The following EIF3I variants were observed in gnomAD, a reference collection of about 807,000 sequenced individuals.
EIF3I encodes the protein TGF-beta receptor-interacting protein 1.
A neutral mutation model predicts 43.3 loss-of-function variants in EIF3I; 20 were observed. The ratio of observed to expected loss-of-function variants is 0.46; its 90% CI spans 0.32 to 0.67. The LOEUF is 0.67. EIF3I is among the 30% of genes least tolerant of loss of function. The pLI is 0.03. For missense variants in EIF3I, 279 were observed against 421.4 expected (o/e 0.66, Z 2.96); for synonymous variants, 167 against 151.7 (o/e 1.10, Z -0.74).
rs1290869075 is a variant in EIF3I, at chr1:32,229,061, G to GTA, written c.730-70_730-69dup. On this transcript the variant is annotated intron_variant, in intron 8 of 11. Coordinates refer to ENST00000676679, the Ensembl canonical transcript of EIF3I. ...TTGAGCCGTGTGAGATGTTAAAAAT[G>GTA]TATATGGCAGCAGAAAAACACAAAA... 4 of 1,491,474 alleles carry GTA rather than the reference G, an allele frequency of 2.7e-6. No individual in the cohort carries two copies. In the African/African-American group the frequency reaches 5.6e-5, roughly 21 times the overall value. 92.4% of individuals were successfully genotyped at this position (1,491,474 alleles called of 1,614,324 possible).
At chr1:32,231,470 C>T, downstream of EIF3I, 1 of 268,058 alleles carries the variant, frequency 3.7e-6, no homozygotes, top group South Asian at 5.8e-5. Flanking sequence ...CATCCTGAGC[C>T]ACAAGAGCAA....
chr1:32,224,429 C>CA lies in EIF3I; in HGVS notation c.205dup (p.Thr69AsnfsTer5). The CA allele has an allele frequency of 3.7e-6, 6 of 1,613,892 alleles. No homozygotes were observed. The highest frequency in any genetic ancestry group is 4.2e-6 in the Non-Finnish European group (5 of 1,179,972). ...CTTCAGGGGACACCAAGCATGTCCT[C>CA]ACTGGCTCAGCTGACAACAGCTGTC... is the stretch of plus-strand genomic sequence containing the variant. On this transcript the variant is annotated frameshift_variant, in exon 4 of 12. Coordinates refer to ENST00000676679, the Ensembl canonical transcript of EIF3I. LOFTEE classifies it high-confidence loss of function.
downstream of EIF3I, chr1:32,231,394 G>A: frequency 2.0e-6 from 1 of 491,740 alleles, no homozygotes; most frequent in Non-Finnish European, 3.7e-6. Flanking sequence ...AGGAGGCTGA[G>A]GCAGGAGAAT....
chr1:32,224,059 A>C, exon 3 of EIF3I: 1 of 1,614,136 alleles, frequency 6.2e-7, no homozygotes, highest in Non-Finnish European at 8.5e-7. Flanking sequence ...TACTCTGTGA[A>C]TGGTGAGAGG....
At chr1:32,226,723 C>T (rs1407996303) in intron 6 of EIF3I, among the ~76,000 whole-genome samples, 193 bp downstream of exon 6, 2 of 150,204 alleles carry the variant, frequency 1.3e-5, no homozygotes, top group African/African-American at 2.5e-5. Context: ...CATGCCACCG[C>T]ACCTGGCTAA....
chr1:32,228,869 C>A, intron 8 of EIF3I, 53 bp downstream of exon 8: 1 of 1,449,192 alleles, frequency 6.9e-7, no homozygotes, highest in Non-Finnish European at 9.6e-7. Context: ...CTTCCAAGTT[C>A]TAGATGCTTG....
intron 9 of EIF3I, among the ~76,000 whole-genome samples, chr1:32,229,547 CTTTTTTTTTTTTT>C (rs1199129615): frequency 9.6e-6 from 1 of 104,490 alleles, no homozygotes; most frequent in African/African-American, 3.7e-5. Flanking sequence ...CGTGCCCAGC[CTTTTTTTTTTTTT>C]TTTTTTTTGA....
intron 2 of EIF3I, among the ~76,000 whole-genome samples, chr1:32,223,527 C>T (rs1256062600): frequency 3.9e-5 from 6 of 152,104 alleles, no homozygotes; most frequent in African/African-American, 1.2e-4. Flanking sequence ...TCAGGTGATC[C>T]GCCTGCCTCG....
chr1:32,232,876 G>C (rs1639258765), downstream of EIF3I, among the ~76,000 whole-genome samples: 1 of 152,168 alleles, frequency 6.6e-6, no homozygotes. Context: ...ACCCTGGAAA[G>C]GTGAACCCTC....
intron 4 of EIF3I, 140 bp from the exon 5 acceptor site, chr1:32,226,027 GAAAA>G: frequency 1.1e-6 from 1 of 922,788 alleles, no homozygotes; most frequent in Admixed American, 3.5e-5. Context: ...TCTCAAAAAA[GAAAA>G]AAAAAAAGAA....
chr1:32,229,299 C>G, intron 9 of EIF3I, 91 bp downstream of exon 9: 2 of 1,392,458 alleles, frequency 1.4e-6, no homozygotes, highest in Non-Finnish European at 2.0e-6. Context: ...CTCGCTCTGT[C>G]GCCTAGGCTG....
At position 32,230,926 on chromosome 1, in the gene EIF3I, G is replaced by A; in HGVS notation, c.915-1G>A. 6.3e-7 allele frequency: 1 copy of A among 1,591,828 alleles called. No homozygotes were observed. Among genetic ancestry groups the A allele is most frequent in the Non-Finnish European group, 8.5e-7 (1 of 1,174,320 alleles). On this transcript the variant is annotated splice_acceptor_variant, in intron 10 of 11. Transcript: ENST00000676679. LOFTEE classifies it high-confidence loss of function. ...AATTAATTGTGTCCCTTTTCCTCCA[G>A]GTTCTTCCATTTGGCCTTTGAAGAA...
chr1:32,222,430 G>A (rs780568811), exon 1 of EIF3I: 20 of 1,596,178 alleles, frequency 1.3e-5, no homozygotes, highest in Non-Finnish European at 1.7e-5. Context: ...CCTTCCTCGC[G>A]TCACAGCCGG....
At chr1:32,229,718 T>C (rs1487462702) in intron 9 of EIF3I, among the ~76,000 whole-genome samples, 1 of 151,890 alleles carries the variant, frequency 6.6e-6, no homozygotes, top group Admixed American at 6.6e-5. Context: ...GCCTGGCTAA[T>C]TTTTGTATTT....
At chr1:32,224,226 G>A (rs773312876) in intron 3 of EIF3I, 105 bp downstream of exon 3, 79 of 1,189,138 alleles carry the variant, frequency 6.6e-5, no homozygotes, top group Non-Finnish European at 8.4e-5. Flanking sequence ...CCTAGAGAAC[G>A]ATACCTCCTA....
At chr1:32,231,200 G>A (rs1431837407) in exon 12 of EIF3I, 16 of 1,613,000 alleles carry the variant, frequency 9.9e-6, no homozygotes, top group African/African-American at 1.3e-5. Flanking sequence ...GGCTTAAGAA[G>A]CTGGATCTCC....
At chr1:32,228,444 A>G in intron 6 of EIF3I, 55 bp from the exon 7 acceptor site, 1 of 1,466,576 alleles carries the variant, frequency 6.8e-7, no homozygotes, top group Non-Finnish European at 9.6e-7. Context: ...GTTTCTGGGG[A>G]GCTGAGATTA....
exon 7 of EIF3I, chr1:32,228,505 G>A: frequency 6.2e-7 from 1 of 1,613,964 alleles, no homozygotes; most frequent in Non-Finnish European, 8.5e-7. Flanking sequence ...CTAGTCTGGA[G>A]AGGTGTTGGT....
exon 12 of EIF3I, chr1:32,231,328 TA>T: frequency 2.5e-6 from 2 of 788,304 alleles, no homozygotes; most frequent in Non-Finnish European, 4.0e-6. Context: ...TCGTCTCTAC[TA>T]AAAATACAAA....
Sources: gnomAD v4.1 joint callset for allele counts (sites outside exome capture counted in the v4.1 genomes callset) on GRCh38, gnomAD v4.1.1 for gene constraint, MANE v1.5 for transcripts, NCBI Gene and HGNC (gene_info 2026-07-23, HGNC 2026-07-21) for gene names.